MAML3: variants seen among roughly 807,000 people sequenced by gnomAD.
MAML3 encodes the protein mastermind like transcriptional coactivator 3.
In MAML3, 27 loss-of-function variants were observed where a neutral mutation model predicts 101.9. That is an observed-to-expected ratio of 0.27 (90% CI 0.20 to 0.37). The LOEUF (loss-of-function observed/expected upper bound fraction) is 0.37. MAML3 is among the 10% of genes least tolerant of loss of function. MAML3 has a pLI of 1.00. For synonymous variants in MAML3, 501 were observed against 555.9 expected, an observed-to-expected ratio of 0.90 and a Z score of 1.39; for missense variants, 1,316 against 1,444.9, an observed-to-expected ratio of 0.91 and a Z score of 1.45.
At chr4:139,993,094 G>A (rs960170078) in intron 1 of MAML3, among the ~76,000 whole-genome samples, 1 of 152,212 alleles carries the variant, frequency 6.6e-6, no homozygotes, top group Non-Finnish European at 1.5e-5. Context: ...GCTTATGCCT[G>A]TAATCCCAGC....
intron 1 of MAML3, among the ~76,000 whole-genome samples, chr4:139,948,728 T>A (rs1452413834): frequency 6.6e-6 from 1 of 152,242 alleles, no homozygotes. Context: ...CTTCATATTA[T>A]CCATCAGTAA....
intron 1 of MAML3, among the ~76,000 whole-genome samples, chr4:139,960,258 T>G (rs1733987689): frequency 6.6e-6 from 1 of 152,230 alleles, no homozygotes; most frequent in Non-Finnish European, 1.5e-5. Flanking sequence ...CGAATTTCAT[T>G]GTGTCAAAGA....
intron 2 of MAML3, among the ~76,000 whole-genome samples, chr4:139,875,323 G>A (rs1200576675): frequency 1.3e-5 from 2 of 152,276 alleles, no homozygotes; most frequent in East Asian, 1.9e-4. Context: ...TCAGGAGAAG[G>A]TGGAAGTGGT....
intron 1 of MAML3, among the ~76,000 whole-genome samples, chr4:140,071,145 A>T (rs1407265392): frequency 6.6e-6 from 1 of 152,218 alleles, no homozygotes; most frequent in African/African-American, 2.4e-5. Flanking sequence ...TTGGGAGGAC[A>T]AAAACAACTG....
At chr4:139,983,720 A>G (rs1016945673) in intron 1 of MAML3, among the ~76,000 whole-genome samples, 1 of 152,180 alleles carries the variant, frequency 6.6e-6, no homozygotes, top group African/African-American at 2.4e-5. Flanking sequence ...GTAACATGGA[A>G]AACAGTATTA....
chr4:139,834,932 A>G (rs1185763261), intron 2 of MAML3, among the ~76,000 whole-genome samples: 1 of 152,176 alleles, frequency 6.6e-6, no homozygotes. Context: ...GTTAATTTTG[A>G]TCACTGCAAA....
At chr4:140,093,406 A>ATGTT in intron 1 of MAML3, among the ~76,000 whole-genome samples, 1 of 143,542 alleles carries the variant, frequency 7.0e-6, no homozygotes, top group East Asian at 2.1e-4. Context: ...GCTAAGACTC[A>ATGTT]TGTTTGTTTG....
intron 1 of MAML3, among the ~76,000 whole-genome samples, chr4:140,011,344 T>TTTTC: frequency 7.6e-6 from 1 of 130,908 alleles, no homozygotes; most frequent in Non-Finnish European, 1.7e-5. Context: ...CTTGTTTTGT[T>TTTTC]TTTTTTTTTT....
chr4:140,043,282 C>T lies in MAML3; in HGVS notation c.468+109578G>A, dbSNP rs762717843. On this transcript the variant is annotated intron_variant, in intron 1 of 4. Coordinates refer to ENST00000509479, the MANE Select transcript of MAML3 (RefSeq NM_018717.5). ...AAATCTATCTAGACTGACTTACCTA[C>T]GGCTCTGTTCACCTCTTAGATCCCA... is the stretch of plus-strand genomic sequence containing the variant. Among the ~76,000 whole-genome samples, 18 of 152,274 alleles carry T rather than the reference C, an allele frequency of 1.2e-4. 1 individual carries two copies. The highest frequency in any genetic ancestry group is 7.7e-4 in the East Asian group (4 of 5,178).
chr4:140,119,074 G>T (rs1473171810), intron 1 of MAML3, among the ~76,000 whole-genome samples: 3 of 152,180 alleles, frequency 2.0e-5, no homozygotes, highest in Non-Finnish European at 4.4e-5. Context: ...AAGGGGTATG[G>T]TGGCATTCCC....
At position 140,060,365 on chromosome 4, in the gene MAML3, C is replaced by CAAAAAAAAAAAAAAAAAAAAAAAAAAAA. The variant is rs70943471; in HGVS notation, c.468+92494_468+92495insTTTTTTTTTTTTTTTTTTTTTTTTTTTT. On this transcript the variant is annotated intron_variant, in intron 1 of 4. Coordinates refer to ENST00000509479, the MANE Select transcript of MAML3 (RefSeq NM_018717.5). The stretch of plus-strand genomic sequence containing the variant: ...TGGGCGACAGAGTAAGACTCTGTCT[C>CAAAAAAAAAAAAAAAAAAAAAAAAAAAA]AAAAAAAAAAAAAAAAAAAAGTCAC... Among the ~76,000 whole-genome samples the CAAAAAAAAAAAAAAAAAAAAAAAAAAAA allele has an allele frequency of 1.0e-4, 2 of 19,124 alleles. 1 individual carries two copies. The highest frequency in any genetic ancestry group is 1.9e-4 in the Non-Finnish European group (2 of 10,742). 12.5% of individuals were successfully genotyped at this position (19,124 alleles called of 152,430 possible). A position where few individuals can be genotyped will look rare whatever the true frequency, so the allele number is the denominator to read the frequency against.
chr4:140,132,623 G>T (rs909678362), intron 1 of MAML3, among the ~76,000 whole-genome samples: 1 of 152,222 alleles, frequency 6.6e-6, no homozygotes, highest in African/African-American at 2.4e-5. Flanking sequence ...CTTTAAAAGA[G>T]CTCCGAAGAA....
chr4:139,871,684 C>T (rs1651340127), intron 2 of MAML3, among the ~76,000 whole-genome samples: 1 of 152,248 alleles, frequency 6.6e-6, no homozygotes, highest in African/African-American at 2.4e-5. Context: ...CTGGGTCCTC[C>T]TCCCTGAGCT....
chr4:139,772,838 G>A (rs1730023292), intron 2 of MAML3, among the ~76,000 whole-genome samples: 1 of 151,396 alleles, frequency 6.6e-6, no homozygotes, highest in African/African-American at 2.4e-5. Context: ...CCAGCACTTT[G>A]GGAGGCCGAG....
At chr4:139,933,968 AGTGT>A (rs1203176919) in intron 1 of MAML3, among the ~76,000 whole-genome samples, 1 of 151,862 alleles carries the variant, frequency 6.6e-6, no homozygotes, top group East Asian at 1.9e-4. Context: ...TATATCTGTG[AGTGT>A]ATGTGATTAT....
intron 1 of MAML3, among the ~76,000 whole-genome samples, chr4:139,992,317 G>A (rs1350239450): frequency 1.3e-5 from 2 of 152,094 alleles, no homozygotes; most frequent in Non-Finnish European, 2.9e-5. Context: ...GTTTCTGTGT[G>A]GCTATATTTT....
chr4:139,877,496 T>C (rs1006911489), intron 2 of MAML3, among the ~76,000 whole-genome samples: 1 of 152,162 alleles, frequency 6.6e-6, no homozygotes, highest in Admixed American at 6.5e-5. Flanking sequence ...ATTGCTAAGA[T>C]ATGATGAAGT....
chr4:140,127,771 AC>A (rs1728707382), intron 1 of MAML3, among the ~76,000 whole-genome samples: 1 of 152,188 alleles, frequency 6.6e-6, no homozygotes, highest in African/African-American at 2.4e-5. Context: ...AACTACTGTT[AC>A]CCCTGCTTTA....
Position 140,071,216 on chromosome 4 carries a change from G to A in MAML3, c.468+81644C>T, listed in dbSNP as rs562548155. Among the ~76,000 whole-genome samples the A allele has an allele frequency of 5.9e-5, 9 of 152,262 alleles. No homozygotes were observed. In the South Asian group the frequency reaches 1.2e-3, roughly 21 times the overall value. On this transcript the variant is annotated intron_variant, in intron 1 of 4. Transcript: ENST00000509479. ...GACGACCCATGTGTGCACAGACTCCGCACACACTCTCTCTCTTTCTCTCCC... is the reference window on the plus strand; with the variant it reads ...GACGACCCATGTGTGCACAGACTCCACACACACTCTCTCTCTTTCTCTCCC...
Sources: gnomAD v4.1 joint callset for allele counts (sites outside exome capture counted in the v4.1 genomes callset) on GRCh38, gnomAD v4.1.1 for gene constraint, MANE v1.5 for transcripts, NCBI Gene and HGNC (gene_info 2026-07-23, HGNC 2026-07-21) for gene names.